Variants in MEI4 observed in about 807,000 individuals in gnomAD.
MEI4 encodes the protein meiosis-specific protein MEI4.
MEI4 carries 27 observed loss-of-function variants against 31.4 expected under a neutral mutation model. The observed-to-expected ratio is 0.86, with a 90% CI of 0.63 to 1.19. The LOEUF (loss-of-function observed/expected upper bound fraction) is 1.19. Among genes scored for constraint, MEI4 ranks in the 50% most tolerant of loss-of-function variants. The pLI is 0.00. For synonymous variants in MEI4, 122 were observed against 145.4 expected (o/e 0.84, Z 1.16); for missense variants, 329 against 398.9 (o/e 0.82, Z 1.49).
chr6:77,740,489 A>G (rs1005916201), intron 2 of MEI4, among the ~76,000 whole-genome samples: 4 of 152,228 alleles, frequency 2.6e-5, no homozygotes, highest in African/African-American at 9.6e-5. Flanking sequence ...ATGTGATAAA[A>G]TATATCCTTC....
intron 4 of MEI4, among the ~76,000 whole-genome samples, chr6:77,854,951 T>A (rs1199451596): frequency 1.7e-5 from 2 of 118,258 alleles, no homozygotes; most frequent in Non-Finnish European, 3.2e-5. Flanking sequence ...ACTTATGCTA[T>A]CCCCAAAATA....
chr6:77,742,138 T>C (rs930048767), intron 2 of MEI4, among the ~76,000 whole-genome samples: 2 of 152,060 alleles, frequency 1.3e-5, no homozygotes, highest in African/African-American at 4.8e-5. Flanking sequence ...ATATACCCAG[T>C]AGTGGGATGG....
intron 1 of MEI4, among the ~76,000 whole-genome samples, chr6:77,667,444 A>T (rs1768660699): frequency 6.6e-6 from 1 of 152,100 alleles, no homozygotes; most frequent in Non-Finnish European, 1.5e-5. Flanking sequence ...ACTTTCTGTG[A>T]TTCCTTACCT....
chr6:77,839,261 G>C (rs9343675), intron 4 of MEI4, among the ~76,000 whole-genome samples: 125,507 of 152,090 alleles, frequency 0.83, 52,309 homozygotes, highest in East Asian at 0.95. Flanking sequence ...GTACAAATAG[G>C]ATGAATGGTG....
chr6:77,799,341 T>A (rs1488330648), intron 3 of MEI4, among the ~76,000 whole-genome samples: 1 of 152,174 alleles, frequency 6.6e-6, no homozygotes, highest in East Asian at 1.9e-4. Flanking sequence ...GATGGGGTTG[T>A]TTGTTTTTTT....
intron 2 of MEI4, among the ~76,000 whole-genome samples, chr6:77,711,578 G>T (rs979020483): frequency 6.6e-6 from 1 of 152,138 alleles, no homozygotes; most frequent in African/African-American, 2.4e-5. Flanking sequence ...TAGTGGTTCT[G>T]TGGGCAGCTG....
intron 2 of MEI4, among the ~76,000 whole-genome samples, chr6:77,736,444 C>T (rs1767231961): frequency 6.6e-6 from 1 of 152,100 alleles, no homozygotes; most frequent in Non-Finnish European, 1.5e-5. Context: ...AGGGAACTCC[C>T]TGACCCCTTG....
intron 1 of MEI4, among the ~76,000 whole-genome samples, chr6:77,662,119 A>T (rs190247814): frequency 3.9e-5 from 6 of 152,310 alleles, no homozygotes; most frequent in South Asian, 2.1e-4. Context: ...ATTTAGAATC[A>T]GTATAGATAT....
intron 2 of MEI4, among the ~76,000 whole-genome samples, chr6:77,702,191 C>G (rs1027684352): frequency 2.0e-5 from 3 of 152,220 alleles, no homozygotes; most frequent in African/African-American, 4.8e-5. Context: ...TGCTCCGCCT[C>G]TGTTTCACCT....
chr6:77,686,799 T>C (rs1769062515), intron 1 of MEI4, among the ~76,000 whole-genome samples: 1 of 151,468 alleles, frequency 6.6e-6, no homozygotes, highest in Non-Finnish European at 1.5e-5. Context: ...GTTTGATACA[T>C]ATTAGGAAAA....
At chr6:77,922,323 C>A (rs1766722172) in intron 4 of MEI4, among the ~76,000 whole-genome samples, 2 of 151,706 alleles carry the variant, frequency 1.3e-5, no homozygotes, top group Non-Finnish European at 3.0e-5. Context: ...GATTTGAGTT[C>A]TAATTAGTCT....
Position 77,791,127 on chromosome 6 carries a change from T to C in MEI4, c.768+29462T>C, listed in dbSNP as rs570075734. Reference sequence around the variant, plus strand: ...ACCATTGTGGAAGTCAGTGTGGCGATTCCTCAGGGATCTAGAACTAGAAAT... The same window carrying C: ...ACCATTGTGGAAGTCAGTGTGGCGACTCCTCAGGGATCTAGAACTAGAAAT... On this transcript the variant is annotated intron_variant, in intron 3 of 4. Coordinates refer to ENST00000684080, the MANE Select transcript of MEI4 (RefSeq NM_001322247.2). 9.1e-3 allele frequency among the ~76,000 whole-genome samples: 1,384 copies of C among 152,204 alleles called. 16 individuals are homozygous for C. The highest frequency in any genetic ancestry group is 0.031 in the African/African-American group (1,280 of 41,520).
intron 1 of MEI4, among the ~76,000 whole-genome samples, chr6:77,666,184 G>T (rs1302243427): frequency 6.6e-6 from 1 of 152,064 alleles, no homozygotes; most frequent in African/African-American, 2.4e-5. Flanking sequence ...GCGGGCAGGG[G>T]GTGGGTCTCA....
chr6:77,888,901 T>C (rs1771688784), intron 4 of MEI4, among the ~76,000 whole-genome samples: 1 of 152,132 alleles, frequency 6.6e-6, no homozygotes, highest in South Asian at 2.1e-4. Flanking sequence ...TGAGATCTGA[T>C]GGCGTTATAA....
At chr6:77,825,542 G>A (rs552010410) in intron 3 of MEI4, among the ~76,000 whole-genome samples, 1 of 152,252 alleles carries the variant, frequency 6.6e-6, no homozygotes, top group East Asian at 1.9e-4. Context: ...CCTTTATGAA[G>A]GTGCCCACCG....
At chr6:77,870,480 A>G (rs1479714896) in intron 4 of MEI4, among the ~76,000 whole-genome samples, 3 of 152,200 alleles carry the variant, frequency 2.0e-5, no homozygotes, top group African/African-American at 7.2e-5. Context: ...TAAGTGATGT[A>G]ATATTACTGA....
intron 4 of MEI4, among the ~76,000 whole-genome samples, chr6:77,883,735 T>TATACAC: frequency 8.6e-6 from 1 of 116,742 alleles, no homozygotes; most frequent in Non-Finnish European, 1.9e-5. Flanking sequence ...TATATATATA[T>TATACAC]ATATATATAA....
intron 4 of MEI4, 150 bp from the exon 5 acceptor site, chr6:77,922,939 T>C: frequency 2.4e-6 from 1 of 423,082 alleles, no homozygotes. Context: ...ATGTTTTTTA[T>C]TTCCCCCTTG....
chr6:77,867,708 G>A (rs147082403), intron 4 of MEI4, among the ~76,000 whole-genome samples: 21 of 151,906 alleles, frequency 1.4e-4, no homozygotes, highest in South Asian at 2.1e-4. Context: ...CCAGCCATCC[G>A]ATTACTGGGT....
Sources: allele counts gnomAD v4.1 joint callset (sites outside exome capture counted in the v4.1 genomes callset), GRCh38; gene constraint gnomAD v4.1.1; transcripts MANE v1.5; gene names NCBI Gene and HGNC (gene_info 2026-07-23, HGNC 2026-07-21).